Variants in PLAA observed in about 807,000 individuals in gnomAD.
PLAA encodes phospholipase A2 activating protein.
Under a neutral mutation model 84.1 loss-of-function variants are expected in PLAA, and 48 were observed. The observed-to-expected ratio is 0.57, with a 90% CI of 0.45 to 0.73. The LOEUF (loss-of-function observed/expected upper bound fraction) is 0.73, where lower values mean the gene tolerates loss of function less well. Among genes scored for constraint, PLAA ranks in the 30% least tolerant of loss-of-function variants. The pLI, the probability that PLAA is intolerant of heterozygous loss-of-function variation, is 0.00. For synonymous variants in PLAA, 392 were observed against 336.6 expected, an observed-to-expected ratio of 1.16 and a Z score of -1.80; for missense variants, 903 against 954.7, an observed-to-expected ratio of 0.95 and a Z score of 0.71.
At chr9:26,908,244 T>C (rs981104185) in intron 12 of PLAA, among the ~76,000 whole-genome samples, 21 of 149,710 alleles carry the variant, frequency 1.4e-4, no homozygotes, top group African/African-American at 4.9e-4. Flanking sequence ...CTTGGCTCAC[T>C]GCAAGCTCGC....
intron 2 of PLAA, among the ~76,000 whole-genome samples, chr9:26,930,161 G>A (rs964742817): frequency 6.7e-6 from 1 of 150,158 alleles, no homozygotes; most frequent in South Asian, 2.1e-4. Flanking sequence ...CTGGAGTGCA[G>A]CTGTGTGATC....
chr9:26,920,275 T>G lies in PLAA; in HGVS notation c.1149A>C (p.Ser383=), dbSNP rs1331602080. The change falls in exon 8 of 14, where the codon TCA becomes TCC. Residue 383 remains serine (S), a synonymous_variant. Coordinates refer to ENST00000397292, the MANE Select transcript of PLAA (RefSeq NM_001031689.3). ...RWIKIGDVVG[S]SGANQQTSGK... is the part of the protein sequence containing the mutation. ...CAGATGTTTGCTGATTAGCACCAGA[T>G]GAGCCAACAACATCACCAATTTTTA... 5.0e-6 allele frequency: 8 copies of G among 1,613,914 alleles called. No homozygotes were observed. The highest frequency in any genetic ancestry group is 1.1e-5 in the South Asian group (1 of 91,084).
intron 12 of PLAA, among the ~76,000 whole-genome samples, chr9:26,908,637 G>C (rs756869516): frequency 6.6e-6 from 1 of 151,886 alleles, no homozygotes; most frequent in Non-Finnish European, 1.5e-5. Flanking sequence ...GCTAATTTTT[G>C]TATTTTTAGT....
chr9:26,909,498 T>C (rs1337267465), intron 12 of PLAA, among the ~76,000 whole-genome samples: 1 of 152,196 alleles, frequency 6.6e-6, no homozygotes, highest in Non-Finnish European at 1.5e-5. Context: ...ATAATCTTTG[T>C]GGCAAACAAA....
rs1163141478 is a variant in PLAA at position 26,926,418 on chromosome 9, G to A, written c.708C>T (p.Ser236=). Residue 236 remains serine, a synonymous_variant, in exon 5 of 14, where the codon AGC becomes AGT. Coordinates refer to ENST00000397292, the MANE Select transcript of PLAA (RefSeq NM_001031689.3). ...CTCTACAATTTGGAAAAACGGATAT[G>A]CTATAAATATAATTTGTATGTCCAT... The part of the protein sequence containing the change: ...VYYGHTNYIY[S]ISVFPNCRDF... 4 of 1,606,644 alleles carry A rather than the reference G, an allele frequency of 2.5e-6. No homozygotes were observed. In the African/African-American group the frequency reaches 4.0e-5, roughly 16 times the overall value.
intron 13 of PLAA, 125 bp downstream of exon 13, chr9:26,907,709 T>C: frequency 1.3e-6 from 1 of 772,130 alleles, no homozygotes. Context: ...TCGTGAAGAT[T>C]TTCCATAGTG....
intron 1 of PLAA, among the ~76,000 whole-genome samples, chr9:26,936,493 T>C (rs914781316): frequency 2.6e-5 from 4 of 152,218 alleles, no homozygotes; most frequent in African/African-American, 9.6e-5. Context: ...TTATGAAACT[T>C]TGCAGTCATT....
intron 12 of PLAA, among the ~76,000 whole-genome samples, chr9:26,908,540 T>A (rs1392427903): frequency 6.6e-6 from 1 of 151,536 alleles, no homozygotes; most frequent in African/African-American, 2.4e-5. Flanking sequence ...CTCGGCTCAC[T>A]GCAACCTCCG....
At chr9:26,913,994 T>TA (rs1824477045) in intron 10 of PLAA, 47 bp from the exon 11 acceptor site, 1 of 1,360,744 alleles carries the variant, frequency 7.3e-7, no homozygotes, top group Admixed American at 1.7e-5. Flanking sequence ...CTGTAAATTA[T>TA]AAAGTTCAAA....
chr9:26,944,477 A>C (rs1825628127), intron 1 of PLAA, among the ~76,000 whole-genome samples: 1 of 152,166 alleles, frequency 6.6e-6, no homozygotes, highest in South Asian at 2.1e-4. Context: ...ATGACTATGA[A>C]ACACTCTAAC....
At position 26,913,953 on chromosome 9, in the gene PLAA, A is replaced by G; in HGVS notation, c.1487-6T>C. On this transcript the variant is annotated splice_region_variant and splice_polypyrimidine_tract_variant and intron_variant, in intron 10 of 13. Transcript: ENST00000397292. ...TGGTACATAACGACCAGCACCTACA[A>G]TACAATAATACTCCTAGTAAGCAAA... 6.3e-7 allele frequency: 1 copy of G among 1,594,836 alleles called. No individual in the cohort carries two copies. The highest frequency in any genetic ancestry group is 8.6e-7 in the Non-Finnish European group (1 of 1,163,318).
Position 26,924,345 on chromosome 9 carries a change from G to A in PLAA, c.870-998C>T, listed in dbSNP as rs185646098. On this transcript the variant is annotated intron_variant, in intron 6 of 13. Transcript: ENST00000397292. Reference sequence around the variant, plus strand: ...GACAGGGTCTCGGTAGCTCACCCAGGATAGTCTCGAACTCCTGAGCTCAAG... The same window carrying A: ...GACAGGGTCTCGGTAGCTCACCCAGAATAGTCTCGAACTCCTGAGCTCAAG... Among the ~76,000 whole-genome samples the A allele has an allele frequency of 4.9e-3, 742 of 151,970 alleles. 2 individuals are homozygous for A. Among genetic ancestry groups the A allele is most frequent in the Admixed American group, 8.5e-3 (130 of 15,258 alleles).
intron 10 of PLAA, chr9:26,916,743 TAGGTA>T: frequency 3.2e-6 from 3 of 950,282 alleles, no homozygotes; most frequent in Non-Finnish European, 3.8e-6. Flanking sequence ...TCAGACAGGT[TAGGTA>T]ACTTGCCAAC....
At chr9:26,907,631 C>T in intron 13 of PLAA, 1 of 520,940 alleles carries the variant, frequency 1.9e-6, no homozygotes, top group Non-Finnish European at 3.3e-6. Context: ...TCATATATTA[C>T]CTTCAGATTC....
At chr9:26,940,767 T>C (rs2131424670) in intron 1 of PLAA, among the ~76,000 whole-genome samples, 1 of 152,314 alleles carries the variant, frequency 6.6e-6, no homozygotes, top group East Asian at 1.9e-4. Flanking sequence ...ATCGAAAGTC[T>C]TCAGAATCTG....
chr9:26,907,941 T>G lies in PLAA; in HGVS notation c.1715A>C (p.Asp572Ala), dbSNP rs747797263. 6.2e-7 allele frequency: 1 copy of G among 1,610,240 alleles called. No individual in the cohort carries two copies. The highest frequency in any genetic ancestry group is 1.7e-5 in the Admixed American group (1 of 58,754). The change falls in exon 13 of 14, where the codon GAC (aspartate) becomes GCC (alanine). Residue 572 changes from aspartate (D) to alanine (A), a missense_variant. Physicochemically the swap from Asp to Ala is moderately radical, Grantham distance 126 (BLOSUM62 -2). Transcript: ENST00000397292. ...CAGTATCTTCTCAAGAAGTATCAAG[T>G]CATCCTCAGTTAACTTCTTCTCTTC... The part of the protein sequence containing the change: ...APEEKKLTED[D>A]LILLEKILSL...
At position 26,910,321 on chromosome 9, in the gene PLAA, T is replaced by G. The variant is rs773543258; in HGVS notation, c.1657+17A>C. 3.8e-6 allele frequency: 6 copies of G among 1,560,120 alleles called. No individual in the cohort carries two copies. In the African/African-American group the frequency reaches 8.1e-5, roughly 21 times the overall value. On this transcript the variant is annotated intron_variant, in intron 12 of 13. Transcript: ENST00000397292. ...ACAGTCTGTGAATATGTGAATAAATTAATTAAAGAAACTTACCTAATATTT... is the reference window on the plus strand; with the variant it reads ...ACAGTCTGTGAATATGTGAATAAATGAATTAAAGAAACTTACCTAATATTT...
chr9:26,917,076 T>C (rs750815626), intron 10 of PLAA, 21 bp downstream of exon 10: 11 of 1,600,104 alleles, frequency 6.9e-6, no homozygotes, highest in African/African-American at 6.7e-5. Flanking sequence ...GAAAGATACA[T>C]GAATCAAAAC....
chr9:26,926,899 C>G (rs1287763132), intron 4 of PLAA, among the ~76,000 whole-genome samples: 1 of 151,332 alleles, frequency 6.6e-6, no homozygotes, highest in Non-Finnish European at 1.5e-5. Context: ...ATATAATATT[C>G]AAATATAAAA....
Sources: gnomAD v4.1 joint callset for allele counts (sites outside exome capture counted in the v4.1 genomes callset) on GRCh38, gnomAD v4.1.1 for gene constraint, MANE v1.5 for transcripts, NCBI Gene and HGNC (gene_info 2026-07-23, HGNC 2026-07-21) for gene names.